UBR4: variants seen among roughly 807,000 people sequenced by gnomAD.
UBR4 encodes ubiquitin protein ligase E3 component n-recognin 4.
UBR4 carries 124 observed loss-of-function variants against 575.6 expected under a neutral mutation model. That is an observed-to-expected ratio of 0.22 (90% confidence interval 0.19 to 0.25). The LOEUF is 0.25. UBR4 is among the 10% of genes least tolerant of loss of function. The probability of loss-of-function intolerance (pLI) is 1.00; values close to 1 mark genes in which losing one functional copy is unlikely to be tolerated. For synonymous variants in UBR4, 2,455 were observed against 2,473.7 expected (o/e 0.99, Z 0.22); for missense variants, 4,818 against 6,478.8 (o/e 0.74, Z 8.80).
intron 73 of UBR4, among the ~76,000 whole-genome samples, chr1:19,115,950 T>C (rs1303921870): frequency 6.6e-6 from 1 of 152,130 alleles, no homozygotes; most frequent in African/African-American, 2.4e-5. Context: ...CTGAAGCCTG[T>C]AAGAGGTGCA....
intron 29 of UBR4, among the ~76,000 whole-genome samples, chr1:19,166,121 G>T (rs1269842107): frequency 6.6e-6 from 1 of 152,184 alleles, no homozygotes. Context: ...AAGAAAAGAG[G>T]AGACAGGGAA....
In UBR4 at chr1:19,183,943, C is replaced by T. The variant is rs753629408; in HGVS notation, c.2099-47G>A. ...CAATTATTTAAGCAGCTATTGAATG[C>T]ACCACACCTCCCTGCCAACAGCCAA... On this transcript the variant is annotated intron_variant, in intron 16 of 105. Transcript: ENST00000375254. The T allele has an allele frequency of 6.2e-6, 10 of 1,613,682 alleles. No homozygotes were observed. The South Asian group carries it at 8.8e-5, about 14-fold the overall frequency.
At chr1:19,171,565 G>A (rs2089541376) in intron 25 of UBR4, among the ~76,000 whole-genome samples, 1 of 152,196 alleles carries the variant, frequency 6.6e-6, no homozygotes. Context: ...ACAGAGCTGG[G>A]CACGGTGGCT....
At chr1:19,101,966 C>T (rs1359026768) in intron 87 of UBR4, among the ~76,000 whole-genome samples, 1 of 152,228 alleles carries the variant, frequency 6.6e-6, no homozygotes, top group African/African-American at 2.4e-5. Flanking sequence ...TTGCCCAAAA[C>T]AGGCACTCAG....
intron 60 of UBR4, among the ~76,000 whole-genome samples, chr1:19,130,912 TTTG>T (rs758701510): frequency 7.2e-5 from 11 of 151,926 alleles, no homozygotes; most frequent in Non-Finnish European, 1.6e-4. Context: ...ATTCATTCAT[TTTG>T]TTATTTTTTT....
intron 11 of UBR4, among the ~76,000 whole-genome samples, chr1:19,189,148 T>C (rs868401382): frequency 6.6e-6 from 1 of 151,828 alleles, no homozygotes; most frequent in African/African-American, 2.4e-5. Flanking sequence ...CATTCTCTCC[T>C]CTAAGACAAG....
chr1:19,150,827 A>T, intron 48 of UBR4, 34 bp from the exon 49 acceptor site: 1 of 1,607,780 alleles, frequency 6.2e-7, no homozygotes, highest in Non-Finnish European at 8.5e-7. Context: ...TAGGAAGCAC[A>T]TTCTCTAAAA....
Position 19,126,427 on chromosome 1 carries a change from G to C in UBR4, c.9438+19C>G. ...CTGAACAAAGGACGAGTGTTTCTTT[G>C]ATGAGGGAAAGATCTCACCTTCACA... On this transcript the variant is annotated intron_variant, in intron 64 of 105. Transcript: ENST00000375254. The C allele has an allele frequency of 1.2e-6, 2 of 1,613,950 alleles. No homozygotes were observed. The highest frequency in any genetic ancestry group is 8.5e-7 in the Non-Finnish European group (1 of 1,179,808).
chr1:19,191,452 C>T (rs1341562092), intron 11 of UBR4, among the ~76,000 whole-genome samples: 3 of 152,172 alleles, frequency 2.0e-5, no homozygotes, highest in Non-Finnish European at 4.4e-5. Context: ...GCATGGGCAA[C>T]AGAGGGAGAC....
At chr1:19,124,465 G>A (rs530396512) in intron 65 of UBR4, 76 bp downstream of exon 65, 69 of 1,563,804 alleles carry the variant, frequency 4.4e-5, no homozygotes, top group Middle Eastern at 3.7e-4. Flanking sequence ...TAAGGATGAG[G>A]AAGAAAGGGG....
Position 19,193,362 on chromosome 1 carries a change from A to G in UBR4, c.1143+71T>C. The G allele has an allele frequency of 1.9e-6, 3 of 1,569,568 alleles. No individual in the cohort carries two copies. The Admixed American group carries it at 5.4e-5, about 28-fold the overall frequency. ...TCTAAGTTCTTTCTTCTATCATGGA[A>G]GAAAGTGGAACTGGCCATACTCCCT... On this transcript the variant is annotated intron_variant, in intron 9 of 105. Coordinates refer to ENST00000375254, the MANE Select transcript of UBR4 (RefSeq NM_020765.3).
chr1:19,182,979 A>C (rs2091154844), intron 17 of UBR4, among the ~76,000 whole-genome samples: 2 of 152,248 alleles, frequency 1.3e-5, no homozygotes. Context: ...TCAAGACATC[A>C]GCTATTTCAG....
At position 19,112,519 on chromosome 1, in the gene UBR4, C is replaced by T. The variant is rs764644587; in HGVS notation, c.11801+5G>A. On this transcript the variant is annotated splice_donor_5th_base_variant and intron_variant, in intron 78 of 105. Coordinates refer to ENST00000375254, the MANE Select transcript of UBR4 (RefSeq NM_020765.3). Reference sequence around the variant, plus strand: ...TAGGCCCATAACCATGGTGTAGGTACTGACCGAGTTAGGAGGCACATGAGC... The same window carrying T: ...TAGGCCCATAACCATGGTGTAGGTATTGACCGAGTTAGGAGGCACATGAGC... The T allele has an allele frequency of 1.9e-6, 3 of 1,603,540 alleles. No homozygotes were observed. Among genetic ancestry groups the T allele is most frequent in the Non-Finnish European group, 2.6e-6 (3 of 1,174,538 alleles).
In UBR4 at chr1:19,092,759, A is replaced by C. The variant is rs1053990664; in HGVS notation, c.14211+60T>G. On this transcript the variant is annotated intron_variant, in intron 97 of 105. Coordinates refer to ENST00000375254, the MANE Select transcript of UBR4 (RefSeq NM_020765.3). ...ATTAGGGTAAGTCATGTCTCAAGGTAAACTAGGGTAGTTATACTTGTACCC... is the reference window on the plus strand; with the variant it reads ...ATTAGGGTAAGTCATGTCTCAAGGTCAACTAGGGTAGTTATACTTGTACCC... The C allele has an allele frequency of 2.2e-6, 3 of 1,392,548 alleles. No homozygotes were observed. The Admixed American group carries it at 6.8e-5, about 31-fold the overall frequency. The allele number at this position is 1,392,548 out of a possible 1,614,324, so 86.3% of individuals were successfully genotyped here. A position where few individuals can be genotyped will look rare whatever the true frequency, so the allele number is the denominator to read the frequency against.
At chr1:19,149,780 G>T in intron 49 of UBR4, 1 of 1,300,784 alleles carries the variant, frequency 7.7e-7, no homozygotes. Flanking sequence ...GCTTGGTTAG[G>T]GACTCAGTTT....
intron 26 of UBR4, among the ~76,000 whole-genome samples, 159 bp from the exon 27 acceptor site, chr1:19,169,691 G>A (rs1442439105): frequency 1.3e-5 from 2 of 152,226 alleles, no homozygotes; most frequent in African/African-American, 4.8e-5. Context: ...GCAGTACTAT[G>A]TCCAAGAACC....
At position 19,177,617 on chromosome 1, in the gene UBR4, C is replaced by G; in HGVS notation, c.2481G>C (p.Arg827=). ...TCTGGACAAAAAGCGACAATATGGC[C>G]CGCCGGCCTGTCTCGGTGAAATTGT... ...IFHNFTETGR[R]AILSLFVQII... The change falls in exon 19 of 106, where the codon CGG becomes CGC. Residue 827 remains arginine, a synonymous_variant. Coordinates refer to ENST00000375254, the MANE Select transcript of UBR4 (RefSeq NM_020765.3). 1 of 1,613,920 alleles carries G rather than the reference C, an allele frequency of 6.2e-7. No individual in the cohort carries two copies.
intron 104 of UBR4, 128 bp from the exon 105 acceptor site, chr1:19,077,030 C>A (rs1171354098): frequency 3.0e-6 from 3 of 991,540 alleles, no homozygotes; most frequent in African/African-American, 3.3e-5. Context: ...AGCATACCAA[C>A]AGGCACCCTA....
At position 19,104,684 on chromosome 1, in the gene UBR4, T is replaced by C. The variant is rs1415928336; in HGVS notation, c.12646-18A>G. On this transcript the variant is annotated intron_variant, in intron 85 of 105. Transcript: ENST00000375254. Reference sequence around the variant, plus strand: ...GCTATTTCCTAAACAGGATGACAAGTGCAGTCAGTGTGATATCACTGCCAA... The same window carrying C: ...GCTATTTCCTAAACAGGATGACAAGCGCAGTCAGTGTGATATCACTGCCAA... 6.2e-7 allele frequency: 1 copy of C among 1,613,204 alleles called. No individual in the cohort carries two copies. Among genetic ancestry groups the C allele is most frequent in the Admixed American group, 1.7e-5 (1 of 59,966 alleles).
Sources: allele counts gnomAD v4.1 joint callset (sites outside exome capture counted in the v4.1 genomes callset), GRCh38; gene constraint gnomAD v4.1.1; transcripts MANE v1.5; gene names NCBI Gene and HGNC (gene_info 2026-07-23, HGNC 2026-07-21).